Variants in CPQ observed in about 807,000 individuals in gnomAD.
CPQ encodes the protein carboxypeptidase Q, also known as Ser-Met dipeptidase.
Under a neutral mutation model 45.7 loss-of-function variants are expected in CPQ, and 37 were observed. The observed-to-expected ratio is 0.81, with a 90% CI of 0.62 to 1.07. The LOEUF is 1.07. Among genes scored for constraint, CPQ ranks in the 50% least tolerant of loss-of-function variants. The pLI, the probability that CPQ is intolerant of heterozygous loss-of-function variation, is 0.00. For missense variants in CPQ, 537 were observed against 572.9 expected, an observed-to-expected ratio of 0.94 and a Z score of 0.64; for synonymous variants, 186 against 205.8, an observed-to-expected ratio of 0.90 and a Z score of 0.82.
At position 97,068,398 on chromosome 8, in the gene CPQ, G is replaced by A. The variant is rs565437735; in HGVS notation, c.1255+2188G>A. On this transcript the variant is annotated intron_variant, in intron 7 of 7. Coordinates refer to ENST00000220763, the MANE Select transcript of CPQ (RefSeq NM_016134.4). ...TGTAATCCCAGCATTTTGGGAGGCC[G>A]AGGTGGGTAAATCACTTGAAGTCAG... 1.5e-4 allele frequency among the ~76,000 whole-genome samples: 23 copies of A among 152,272 alleles called. No individual in the cohort carries two copies. The East Asian group carries it at 2.1e-3, about 14-fold the overall frequency.
At chr8:96,697,866 A>C (rs1465933262) in intron 1 of CPQ, among the ~76,000 whole-genome samples, 1 of 152,180 alleles carries the variant, frequency 6.6e-6, no homozygotes, top group Non-Finnish European at 1.5e-5. Flanking sequence ...GACACAAAAA[A>C]TGGAAAGATA....
intron 5 of CPQ, among the ~76,000 whole-genome samples, chr8:97,014,927 A>G (rs1809553837): frequency 6.6e-6 from 1 of 152,116 alleles, no homozygotes; most frequent in South Asian, 2.1e-4. Context: ...CTTATGCTTC[A>G]TATTTGCTGT....
At chr8:96,757,350 C>CAATGATAATAATAAT (rs1810340225) in intron 1 of CPQ, among the ~76,000 whole-genome samples, 1 of 103,388 alleles carries the variant, frequency 9.7e-6, no homozygotes, top group African/African-American at 3.4e-5. Flanking sequence ...GACTCCATCT[C>CAATGATAATAATAAT]AATGATAATA....
At chr8:96,907,974 T>G (rs776884172) in intron 4 of CPQ, among the ~76,000 whole-genome samples, 3 of 152,146 alleles carry the variant, frequency 2.0e-5, no homozygotes, top group Admixed American at 6.5e-5. Flanking sequence ...ATTAAGAACA[T>G]TTTCTTAAGG....
At chr8:97,020,008 T>C (rs893832150) in intron 5 of CPQ, among the ~76,000 whole-genome samples, 3 of 151,866 alleles carry the variant, frequency 2.0e-5, no homozygotes, top group Non-Finnish European at 4.4e-5. Context: ...TTCAAGAAAA[T>C]TGAAATTATA....
chr8:96,716,735 C>T (rs1563477466), intron 1 of CPQ, among the ~76,000 whole-genome samples: 1 of 151,974 alleles, frequency 6.6e-6, no homozygotes, highest in Non-Finnish European at 1.5e-5. Flanking sequence ...TGGTGAAACC[C>T]CGTCTCTACT....
intron 3 of CPQ, among the ~76,000 whole-genome samples, chr8:96,873,117 C>A (rs1460910572): frequency 6.6e-6 from 1 of 151,768 alleles, no homozygotes; most frequent in Non-Finnish European, 1.5e-5. Flanking sequence ...TAATGGTGTT[C>A]TTCTGAGATT....
At position 97,035,919 on chromosome 8, in the gene CPQ, A is replaced by G. The variant is rs375536717; in HGVS notation, c.1053+6425A>G. Among the ~76,000 whole-genome samples the G allele has an allele frequency of 3.0e-4, 45 of 152,178 alleles. No homozygotes were observed. In the East Asian group the frequency reaches 7.4e-3, roughly 25 times the overall value. ...AGACCGGGTTTCACCGTGTTAGCCA[A>G]GATGGTCTCTATCTCCTGACCTCAT... On this transcript the variant is annotated intron_variant, in intron 6 of 7. Coordinates refer to ENST00000220763, the MANE Select transcript of CPQ (RefSeq NM_016134.4).
chr8:96,882,357 A>G (rs886603234), intron 4 of CPQ, among the ~76,000 whole-genome samples: 1 of 152,224 alleles, frequency 6.6e-6, no homozygotes, highest in Admixed American at 6.5e-5. Context: ...AAGAGCCAAG[A>G]GTCTATATTT....
At chr8:96,801,042 C>A (rs780733347) in intron 2 of CPQ, among the ~76,000 whole-genome samples, 3 of 148,364 alleles carry the variant, frequency 2.0e-5, no homozygotes, top group Non-Finnish European at 4.4e-5. Flanking sequence ...GTGGCATGAT[C>A]TTGGCTCACT....
At chr8:96,757,675 T>C (rs1336057492) in intron 1 of CPQ, among the ~76,000 whole-genome samples, 2 of 152,088 alleles carry the variant, frequency 1.3e-5, no homozygotes, top group African/African-American at 2.4e-5. Flanking sequence ...CCTTGTTTCA[T>C]AGAGATGATG....
intron 6 of CPQ, among the ~76,000 whole-genome samples, chr8:97,032,946 T>G (rs1809934199): frequency 6.6e-6 from 1 of 151,996 alleles, no homozygotes; most frequent in Admixed American, 6.6e-5. Flanking sequence ...ACAGAGTAAA[T>G]GGAAAGGATT....
chr8:97,106,583 A>G (rs1231654823), intron 7 of CPQ, among the ~76,000 whole-genome samples: 1 of 152,252 alleles, frequency 6.6e-6, no homozygotes, highest in Non-Finnish European at 1.5e-5. Context: ...GTAAAATTTA[A>G]AATTAAATTC....
chr8:97,141,053 A>G (rs4556066), intron 7 of CPQ, among the ~76,000 whole-genome samples: 41,942 of 151,948 alleles, frequency 0.28, 6,821 homozygotes, highest in East Asian at 0.62. Context: ...CTGGATGGGT[A>G]GAGAACTTAA....
chr8:96,920,704 A>G (rs530688274), intron 4 of CPQ, among the ~76,000 whole-genome samples: 2 of 152,234 alleles, frequency 1.3e-5, no homozygotes, highest in South Asian at 2.1e-4. Context: ...GTCTGCTTCA[A>G]TGTGACTTAT....
chr8:97,105,700 AC>A (rs1811392622), intron 7 of CPQ, among the ~76,000 whole-genome samples: 1 of 152,204 alleles, frequency 6.6e-6, no homozygotes, highest in South Asian at 2.1e-4. Flanking sequence ...AGCATTGGTC[AC>A]GTGGATCTTC....
intron 4 of CPQ, among the ~76,000 whole-genome samples, chr8:96,903,292 C>T (rs1812535969): frequency 6.6e-6 from 1 of 152,142 alleles, no homozygotes; most frequent in Non-Finnish European, 1.5e-5. Context: ...AAAGTGGAAA[C>T]AAATAGAGTA....
intron 1 of CPQ, among the ~76,000 whole-genome samples, chr8:96,768,479 G>A (rs186402902): frequency 5.3e-5 from 8 of 152,210 alleles, no homozygotes; most frequent in Admixed American, 3.9e-4. Context: ...GTGTGTTCCC[G>A]GTCAGTGTTT....
At chr8:97,102,647 T>C (rs572422849) in intron 7 of CPQ, among the ~76,000 whole-genome samples, 22 of 152,300 alleles carry the variant, frequency 1.4e-4, no homozygotes, top group African/African-American at 5.1e-4. Flanking sequence ...ATGACATTAC[T>C]GACATTTTTC....
Sources: gnomAD v4.1 joint callset for allele counts (sites outside exome capture counted in the v4.1 genomes callset) on GRCh38, gnomAD v4.1.1 for gene constraint, MANE v1.5 for transcripts, NCBI Gene and HGNC (gene_info 2026-07-23, HGNC 2026-07-21) for gene names.